The following ZMIZ1 variants were observed in gnomAD, a reference collection of about 807,000 sequenced individuals.
ZMIZ1 encodes the protein zinc finger MIZ-type containing 1.
In ZMIZ1, 17 loss-of-function variants were observed where a neutral mutation model predicts 113.9. The ratio of observed to expected loss-of-function variants is 0.15; its 90% CI spans 0.10 to 0.22. The LOEUF is 0.22. ZMIZ1 is among the 10% of genes least tolerant of loss of function. ZMIZ1 has a pLI of 1.00. For missense variants in ZMIZ1, 1,059 were observed against 1,477.8 expected (o/e 0.72, Z 4.65); for synonymous variants, 607 against 603.1 (o/e 1.01, Z -0.09).
intron 17 of ZMIZ1, among the ~76,000 whole-genome samples, chr10:79,301,235 G>A (rs1455750432): frequency 6.6e-6 from 1 of 151,992 alleles, no homozygotes; most frequent in East Asian, 1.9e-4. Context: ...ACCCCTCCTG[G>A]CCCCTCCTCC....
chr10:79,312,993 C>A lies in ZMIZ1; in HGVS notation c.*244C>A. On this transcript the variant is annotated 3_prime_UTR_variant, in exon 25 of 25. Transcript: ENST00000334512. ...CACCTCCACACCCTTGGCTTGGGCC[C>A]ATGCCCAGCGCAGGCCTGAAGACCA... 1.8e-6 allele frequency: 1 copy of A among 545,520 alleles called. No individual in the cohort carries two copies. The highest frequency in any genetic ancestry group is 3.3e-6 in the Non-Finnish European group (1 of 304,694). 33.8% of individuals were successfully genotyped at this position (545,520 alleles called of 1,614,324 possible).
intron 7 of ZMIZ1, among the ~76,000 whole-genome samples, chr10:79,270,618 G>A (rs1851889798): frequency 1.3e-5 from 2 of 152,186 alleles, no homozygotes; most frequent in Non-Finnish European, 2.9e-5. Context: ...TGTGGAGTGG[G>A]AACCCTGGTG....
intron 2 of ZMIZ1, among the ~76,000 whole-genome samples, chr10:79,120,388 A>G (rs567971045): frequency 2.0e-5 from 3 of 152,236 alleles, no homozygotes; most frequent in Non-Finnish European, 4.4e-5. Flanking sequence ...TGCACACACA[A>G]CGCAGGGTGC....
At chr10:79,233,098 T>C (rs1381751872) in intron 7 of ZMIZ1, among the ~76,000 whole-genome samples, 1 of 152,196 alleles carries the variant, frequency 6.6e-6, no homozygotes, top group African/African-American at 2.4e-5. Context: ...CACACCACAC[T>C]CCCAGGTTTG....
In ZMIZ1 at chr10:79,314,749, G is replaced by A. The variant is rs1855425720; in HGVS notation, c.*2000G>A. 1 of 159,110 alleles carries A rather than the reference G, an allele frequency of 6.3e-6. No homozygotes were observed. The highest frequency in any genetic ancestry group is 6.3e-5 in the Admixed American group (1 of 15,888). The allele number at this position is 159,110 out of a possible 1,614,324, so 9.9% of individuals were successfully genotyped here. On this transcript the variant is annotated 3_prime_UTR_variant, in exon 25 of 25. Coordinates refer to ENST00000334512, the MANE Select transcript of ZMIZ1 (RefSeq NM_020338.4). ...TACAGTTGAAGGGGTGAACAGAATGGGCGGCTGTGCTGGGAGTTGGAAGAC... is the reference window on the plus strand; with the variant it reads ...TACAGTTGAAGGGGTGAACAGAATGAGCGGCTGTGCTGGGAGTTGGAAGAC...
chr10:79,289,036 G>T (rs780641259), intron 8 of ZMIZ1, among the ~76,000 whole-genome samples: 3 of 152,172 alleles, frequency 2.0e-5, no homozygotes, highest in Non-Finnish European at 4.4e-5. Flanking sequence ...GGTGGGGTCC[G>T]CCAGAGGAGT....
Position 79,118,533 on chromosome 10 carries a change from G to A in ZMIZ1, c.-336-382G>A, listed in dbSNP as rs570169928. Among the ~76,000 whole-genome samples the A allele has an allele frequency of 1.3e-5, 2 of 152,308 alleles. No individual in the cohort carries two copies. Among genetic ancestry groups the A allele is most frequent in the Admixed American group, 6.5e-5 (1 of 15,304 alleles). On this transcript the variant is annotated intron_variant, in intron 1 of 24. Coordinates refer to ENST00000334512, the MANE Select transcript of ZMIZ1 (RefSeq NM_020338.4). This position sits in a 1 kb window ranked among gnomAD's most constrained non-coding sequence, Gnocchi z 4.1. ...TTGAGCAGAGTCTCAAAGGCCAGGG[G>A]CCCTTGAAAGACAGAGAAGTGGGGA...
chr10:79,304,289 A>G (rs955150437), intron 19 of ZMIZ1, 114 bp downstream of exon 19: 2 of 1,341,206 alleles, frequency 1.5e-6, no homozygotes, highest in Non-Finnish European at 2.0e-6. Flanking sequence ...GAAGGACGTC[A>G]TGGAGATCAG....
intron 2 of ZMIZ1, among the ~76,000 whole-genome samples, chr10:79,133,496 A>G (rs111892778): frequency 6.6e-6 from 1 of 152,228 alleles, no homozygotes; most frequent in Non-Finnish European, 1.5e-5. Flanking sequence ...AGAGAGAAGT[A>G]GGGACCAGGG....
intron 1 of ZMIZ1, among the ~76,000 whole-genome samples, chr10:79,076,490 C>G (rs1181323780): frequency 1.3e-5 from 2 of 152,146 alleles, no homozygotes; most frequent in Admixed American, 6.5e-5. Context: ...GCATTAGAGC[C>G]CCTGCCCAGC....
intron 1 of ZMIZ1, among the ~76,000 whole-genome samples, chr10:79,102,063 C>G (rs1057399327): frequency 3.9e-5 from 6 of 152,220 alleles, no homozygotes; most frequent in African/African-American, 1.2e-4. Flanking sequence ...CTCCTGCTCT[C>G]AAGGAGGAAG....
intron 6 of ZMIZ1, among the ~76,000 whole-genome samples, chr10:79,209,299 C>G (rs150033356): frequency 4.0e-4 from 61 of 152,262 alleles, no homozygotes; most frequent in African/African-American, 1.4e-3. Flanking sequence ...CAGGAAGGGT[C>G]GAGGCTGCAA....
chr10:79,079,167 G>A (rs886554560), intron 1 of ZMIZ1, among the ~76,000 whole-genome samples: 3 of 152,196 alleles, frequency 2.0e-5, no homozygotes, highest in African/African-American at 7.2e-5. Flanking sequence ...TTGTGGTTGG[G>A]CAGTCCCAAG....
intron 23 of ZMIZ1, 77 bp downstream of exon 23, chr10:79,307,648 C>T: frequency 1.3e-6 from 2 of 1,496,352 alleles, no homozygotes; most frequent in Non-Finnish European, 1.8e-6. Flanking sequence ...ACCCTGTTCC[C>T]TCCCAGGCAA....
At chr10:79,113,207 G>A (rs1179582497) in intron 1 of ZMIZ1, among the ~76,000 whole-genome samples, 1 of 152,224 alleles carries the variant, frequency 6.6e-6, no homozygotes, top group African/African-American at 2.4e-5. Flanking sequence ...GGCTCCCACA[G>A]CTCTGGTGCC....
chr10:79,310,530 C>T (rs1855062902), intron 23 of ZMIZ1, among the ~76,000 whole-genome samples: 1 of 152,170 alleles, frequency 6.6e-6, no homozygotes, highest in Non-Finnish European at 1.5e-5. Flanking sequence ...GAGGCAGCCG[C>T]CCTCCTGCCT....
chr10:79,104,820 T>A (rs1843494089), intron 1 of ZMIZ1, among the ~76,000 whole-genome samples: 1 of 152,180 alleles, frequency 6.6e-6, no homozygotes, highest in Non-Finnish European at 1.5e-5. Context: ...GCACTGGGGT[T>A]TTAACCAGAG....
intron 1 of ZMIZ1, among the ~76,000 whole-genome samples, chr10:79,077,488 G>A (rs2132169747): frequency 6.6e-6 from 1 of 152,162 alleles, no homozygotes; most frequent in Admixed American, 6.5e-5. Context: ...TCTGTGGTCT[G>A]GGTGGGGAGG....
intron 4 of ZMIZ1, among the ~76,000 whole-genome samples, chr10:79,165,053 C>CT (rs1365960111): frequency 1.3e-5 from 2 of 151,476 alleles, no homozygotes; most frequent in Non-Finnish European, 2.9e-5. Context: ...CAGAGGGTGT[C>CT]TAACAGGTTG....
Sources: allele counts gnomAD v4.1 joint callset (sites outside exome capture counted in the v4.1 genomes callset), GRCh38; gene constraint gnomAD v4.1.1; non-coding constraint Gnocchi (gnomAD v3.1); transcripts MANE v1.5; gene names NCBI Gene and HGNC (gene_info 2026-07-23, HGNC 2026-07-21).